Variants in HLCS observed in about 807,000 individuals in gnomAD.
HLCS encodes holocarboxylase synthetase.
In HLCS, 53 loss-of-function variants were observed where a neutral mutation model predicts 75.0. The observed-to-expected ratio is 0.71, with a 90% CI of 0.57 to 0.89. HLCS has a LOEUF of 0.89. Among genes scored for constraint, HLCS ranks in the 40% least tolerant of loss-of-function variants. HLCS has a pLI of 0.00. For synonymous variants in HLCS, 431 were observed against 428.6 expected, an observed-to-expected ratio of 1.01 and a Z score of -0.07; for missense variants, 966 against 1,074.0, an observed-to-expected ratio of 0.90 and a Z score of 1.41.
intron 8 of HLCS, among the ~76,000 whole-genome samples, chr21:36,762,541 A>G (rs576262218): frequency 2.6e-5 from 4 of 152,188 alleles, no homozygotes; most frequent in South Asian, 4.2e-4. Context: ...CTGGTTAGGG[A>G]CCAGTTGGGG....
At chr21:36,967,501 T>G (rs2068657461), upstream of HLCS, among the ~76,000 whole-genome samples, 1 of 152,216 alleles carries the variant, frequency 6.6e-6, no homozygotes, top group Admixed American at 6.5e-5. Flanking sequence ...TTGGTGTTCT[T>G]GTCTCCAAGG....
At chr21:36,818,826 G>T (rs547872676) in intron 6 of HLCS, among the ~76,000 whole-genome samples, 2 of 152,190 alleles carry the variant, frequency 1.3e-5, no homozygotes, top group East Asian at 3.9e-4. Flanking sequence ...ATTTATACAG[G>T]CATTTACTGC....
At chr21:36,902,504 C>A (rs745669212) in intron 5 of HLCS, among the ~76,000 whole-genome samples, 2 of 152,194 alleles carry the variant, frequency 1.3e-5, no homozygotes, top group African/African-American at 2.4e-5. Context: ...CACAGCCATA[C>A]GGGACAGCCT....
intron 6 of HLCS, among the ~76,000 whole-genome samples, chr21:36,830,636 C>A (rs1045492539): frequency 1.3e-5 from 2 of 151,924 alleles, no homozygotes; most frequent in South Asian, 4.2e-4. Context: ...GGGTTCGAGA[C>A]CAGCCTGGGC....
chr21:36,874,445 A>G (rs994921868), intron 6 of HLCS, among the ~76,000 whole-genome samples: 6 of 152,154 alleles, frequency 3.9e-5, no homozygotes, highest in African/African-American at 1.4e-4. Context: ...AAATAAATTA[A>G]AAAGCCAATA....
intron 6 of HLCS, among the ~76,000 whole-genome samples, chr21:36,790,907 C>T (rs919029960): frequency 3.3e-5 from 5 of 152,202 alleles, no homozygotes; most frequent in East Asian, 1.9e-4. Context: ...GCCATTCCGT[C>T]CACCATTTTG....
At chr21:36,959,752 T>C (rs149672826) in intron 2 of HLCS, among the ~76,000 whole-genome samples, 13 of 152,334 alleles carry the variant, frequency 8.5e-5, no homozygotes, top group African/African-American at 3.1e-4. Context: ...TCCTGAGAGC[T>C]GTTCTGCCAC....
intron 5 of HLCS, among the ~76,000 whole-genome samples, chr21:36,928,360 G>A (rs1189878256): frequency 6.6e-6 from 1 of 152,116 alleles, no homozygotes; most frequent in Non-Finnish European, 1.5e-5. Flanking sequence ...CTTGAACTCG[G>A]GAGTTCAAGA....
intron 5 of HLCS, among the ~76,000 whole-genome samples, chr21:36,911,003 C>T (rs1056001847): frequency 3.3e-5 from 5 of 152,222 alleles, no homozygotes; most frequent in South Asian, 2.1e-4. Flanking sequence ...CCAGGCTGAC[C>T]GTCACTTAGG....
chr21:36,910,882 C>A lies in HLCS; in HGVS notation c.1621-13751G>T, dbSNP rs79829400. On this transcript the variant is annotated intron_variant, in intron 5 of 10. Coordinates refer to ENST00000674895, the MANE Select transcript of HLCS (RefSeq NM_001352514.2). Reference sequence around the variant, plus strand: ...AAAACTGCTGCTTCCTGCTTCCCACCCTGTGTTCTGCCACTAGCCCCAAGC... The same window carrying A: ...AAAACTGCTGCTTCCTGCTTCCCACACTGTGTTCTGCCACTAGCCCCAAGC... Among the ~76,000 whole-genome samples, 723 of 152,284 alleles carry A rather than the reference C, an allele frequency of 4.7e-3. 2 individuals carry two copies. The highest frequency in any genetic ancestry group is 7.0e-3 in the Non-Finnish European group (477 of 68,034).
chr21:36,757,605 C>A (rs79912201), intron 9 of HLCS, among the ~76,000 whole-genome samples: 4,778 of 152,320 alleles, frequency 0.031, 213 homozygotes, highest in South Asian at 0.22. Context: ...CCAAAACATT[C>A]GCCACAGGCA....
intron 5 of HLCS, among the ~76,000 whole-genome samples, chr21:36,922,608 CG>C (rs1163804379): frequency 1.3e-5 from 2 of 152,208 alleles, no homozygotes; most frequent in African/African-American, 4.8e-5. Context: ...GACCGACAGA[CG>C]GACTAACCTT....
chr21:36,793,083 T>C (rs1331098572), intron 6 of HLCS, among the ~76,000 whole-genome samples: 1 of 152,200 alleles, frequency 6.6e-6, no homozygotes, highest in East Asian at 1.9e-4. Flanking sequence ...TCATGCGCTT[T>C]TGATTCCTGA....
At chr21:36,957,517 GC>G (rs2068027997) in intron 2 of HLCS, among the ~76,000 whole-genome samples, 1 of 152,104 alleles carries the variant, frequency 6.6e-6, no homozygotes, top group South Asian at 2.1e-4. Flanking sequence ...AAAAAGAAAA[GC>G]CAGATATTAG....
intron 6 of HLCS, among the ~76,000 whole-genome samples, chr21:36,817,205 T>C (rs2061688723): frequency 6.6e-6 from 1 of 152,210 alleles, no homozygotes; most frequent in African/African-American, 2.4e-5. Flanking sequence ...AATATAAAGG[T>C]AGATTATAAA....
At chr21:36,964,348 C>G (rs777645024) in intron 1 of HLCS, among the ~76,000 whole-genome samples, 9 of 152,216 alleles carry the variant, frequency 5.9e-5, no homozygotes, top group Non-Finnish European at 1.2e-4. Flanking sequence ...TATTTTAAAT[C>G]TCAAAATAAC....
chr21:36,785,736 T>G (rs1478832296), intron 6 of HLCS, among the ~76,000 whole-genome samples: 3 of 152,222 alleles, frequency 2.0e-5, no homozygotes, highest in Non-Finnish European at 4.4e-5. Context: ...GTGGAGGCAG[T>G]GGGTGTATCC....
chr21:36,870,891 C>T (rs1286692774), intron 6 of HLCS, among the ~76,000 whole-genome samples: 1 of 152,342 alleles, frequency 6.6e-6, no homozygotes, highest in Non-Finnish European at 1.5e-5. Flanking sequence ...TTAGCACCTA[C>T]ACCCCAGCCC....
chr21:36,764,942 G>T, intron 8 of HLCS, 70 bp downstream of exon 8: 1 of 1,518,420 alleles, frequency 6.6e-7, no homozygotes, highest in Non-Finnish European at 9.1e-7. Context: ...GCAAGCACAT[G>T]CTATAAACAA....
Sources: gnomAD v4.1 joint callset for allele counts (sites outside exome capture counted in the v4.1 genomes callset) on GRCh38, gnomAD v4.1.1 for gene constraint, MANE v1.5 for transcripts, NCBI Gene and HGNC (gene_info 2026-07-23, HGNC 2026-07-21) for gene names.